The following CD2AP variants were observed in gnomAD, a reference collection of about 807,000 sequenced individuals.
CD2AP encodes the protein CD2 associated protein.
CD2AP carries 46 observed loss-of-function variants against 85.1 expected under a neutral mutation model. That is an observed-to-expected ratio of 0.54 (90% CI 0.43 to 0.69). CD2AP has a LOEUF of 0.69. CD2AP is among the 30% of genes least tolerant of loss of function. CD2AP has a pLI of 0.00. For missense variants in CD2AP, 769 were observed against 729.5 expected, an observed-to-expected ratio of 1.05 and a Z score of -0.62; for synonymous variants, 255 against 252.9, an observed-to-expected ratio of 1.01 and a Z score of -0.08.
intron 2 of CD2AP, among the ~76,000 whole-genome samples, chr6:47,517,351 G>A (rs1205614951): frequency 6.6e-6 from 1 of 151,536 alleles, no homozygotes; most frequent in African/African-American, 2.4e-5. Flanking sequence ...GGTGCGGTGC[G>A]ATCACAGCTC....
chr6:47,592,996 T>C (rs895080348), intron 11 of CD2AP, among the ~76,000 whole-genome samples: 7 of 152,052 alleles, frequency 4.6e-5, no homozygotes, highest in African/African-American at 1.4e-4. Context: ...GGACTTGAGA[T>C]TGGAATCTGA....
intron 17 of CD2AP, among the ~76,000 whole-genome samples, chr6:47,620,559 G>A (rs1188421400): frequency 6.6e-6 from 1 of 151,982 alleles, no homozygotes; most frequent in East Asian, 1.9e-4. Flanking sequence ...ATGAATTTTA[G>A]AATTGTTTTT....
chr6:47,566,323 T>TATATATATATATATAAACACAC, intron 5 of CD2AP, among the ~76,000 whole-genome samples: 1 of 108,388 alleles, frequency 9.2e-6, no homozygotes, highest in African/African-American at 2.9e-5. Flanking sequence ...TATATATATA[T>TATATATATATATATAAACACAC]ACACATACAC....
intron 17 of CD2AP, among the ~76,000 whole-genome samples, chr6:47,623,843 T>C (rs1415442749): frequency 1.3e-5 from 2 of 152,198 alleles, no homozygotes; most frequent in Admixed American, 6.5e-5. Flanking sequence ...TGTTTAATTA[T>C]AGATACATGT....
Position 47,598,113 on chromosome 6 carries a change from A to C in CD2AP, c.1275-1188A>C, listed in dbSNP as rs534322555. 1.1e-4 allele frequency among the ~76,000 whole-genome samples: 17 copies of C among 151,334 alleles called. 1 individual carries two copies. Among genetic ancestry groups the C allele is most frequent in the Non-Finnish European group, 1.9e-4 (13 of 67,344 alleles). On this transcript the variant is annotated intron_variant, in intron 12 of 17. Transcript: ENST00000359314. ...AGTACATGAATAGACAGTTCTCAAA[A>C]GAAGATATACAAATGGCCAACAAGC...
At chr6:47,608,912 A>G (rs1457199161) in intron 15 of CD2AP, among the ~76,000 whole-genome samples, 5 of 152,074 alleles carry the variant, frequency 3.3e-5, no homozygotes, top group Non-Finnish European at 4.4e-5. Flanking sequence ...TGTTAATAAA[A>G]TTGTCATTTT....
At chr6:47,554,540 A>G (rs949784805) in intron 4 of CD2AP, 106 bp from the exon 5 acceptor site, 2 of 1,056,674 alleles carry the variant, frequency 1.9e-6, no homozygotes, top group Admixed American at 3.9e-5. Context: ...TTTATTTCAT[A>G]GTGCTAATTT....
intron 5 of CD2AP, among the ~76,000 whole-genome samples, chr6:47,571,566 G>T (rs60532695): frequency 0.25 from 38,257 of 152,010 alleles, 5,510 homozygotes; most frequent in East Asian, 0.6. Flanking sequence ...AACACCTGAA[G>T]TGAGAACTAT....
chr6:47,589,563 C>CATATATATATATATAT (rs1346907208), intron 11 of CD2AP, among the ~76,000 whole-genome samples: 4 of 46,596 alleles, frequency 8.6e-5, no homozygotes, highest in East Asian at 3.3e-4. Context: ...CACACACACA[C>CATATATATATATATAT]ACATATATAT....
At chr6:47,499,773 T>TG (rs1249978334) in intron 1 of CD2AP, among the ~76,000 whole-genome samples, 1 of 152,104 alleles carries the variant, frequency 6.6e-6, no homozygotes, top group Non-Finnish European at 1.5e-5. Context: ...GACAGAGTCT[T>TG]GCTCTGTCGC....
rs562350159 is a variant in CD2AP, at chr6:47,616,082, C to CTTTT, written c.1878+3570_1878+3573dup. Among the ~76,000 whole-genome samples the CTTTT allele has an allele frequency of 5.0e-4, 32 of 63,804 alleles. 4 individuals carry two copies. The highest frequency in any genetic ancestry group is 1.7e-3 in the African/African-American group (24 of 13,790). 41.9% of individuals were successfully genotyped at this position (63,804 alleles called of 152,430 possible). A position where few individuals can be genotyped will look rare whatever the true frequency, so the allele number is the denominator to read the frequency against. ...GCAGGCATGAGCCACTGCGCCTGGC[C>CTTTT]TTTTTTTTTTTTTTTTTTTTTTTTT... is the stretch of plus-strand genomic sequence containing the variant. On this transcript the variant is annotated intron_variant, in intron 17 of 17. Coordinates refer to ENST00000359314, the MANE Select transcript of CD2AP (RefSeq NM_012120.3).
Position 47,610,220 on chromosome 6 carries a change from A to G in CD2AP, c.1814+916A>G, listed in dbSNP as rs1028183914. 9.2e-5 allele frequency among the ~76,000 whole-genome samples: 14 copies of G among 152,256 alleles called. No individual in the cohort carries two copies. In the South Asian group the frequency reaches 2.5e-3, roughly 27 times the overall value. On this transcript the variant is annotated intron_variant, in intron 16 of 17. Transcript: ENST00000359314. Reference sequence around the variant, plus strand: ...ACCCATATTATCTGTTGGTTTAGAGATGTTTTCTATAACCACTAGTATTTG... The same window carrying G: ...ACCCATATTATCTGTTGGTTTAGAGGTGTTTTCTATAACCACTAGTATTTG...
chr6:47,529,832 A>T (rs374279909), intron 2 of CD2AP, among the ~76,000 whole-genome samples: 27 of 152,262 alleles, frequency 1.8e-4, no homozygotes, highest in East Asian at 7.7e-4. Context: ...GCCTACCCAG[A>T]CTCAGAGAGC....
At chr6:47,511,883 C>T (rs936963805) in intron 2 of CD2AP, among the ~76,000 whole-genome samples, 8 of 84,414 alleles carry the variant, frequency 9.5e-5, no homozygotes, top group South Asian at 4.2e-4. Context: ...AAAAATTGGC[C>T]GGGGGTGGCT....
At chr6:47,568,506 C>T (rs1269742598) in intron 5 of CD2AP, among the ~76,000 whole-genome samples, 1 of 152,078 alleles carries the variant, frequency 6.6e-6, no homozygotes, top group Non-Finnish European at 1.5e-5. Flanking sequence ...CTTTGGGAGG[C>T]TGAGGTGGGT....
At chr6:47,487,931 T>C (rs994105198) in intron 1 of CD2AP, among the ~76,000 whole-genome samples, 1 of 151,362 alleles carries the variant, frequency 6.6e-6, no homozygotes, top group African/African-American at 2.4e-5. Flanking sequence ...AACCTAACAA[T>C]ACAAAATTTA....
At chr6:47,557,707 A>G (rs1329324068) in intron 5 of CD2AP, among the ~76,000 whole-genome samples, 1 of 152,198 alleles carries the variant, frequency 6.6e-6, no homozygotes, top group Non-Finnish European at 1.5e-5. Context: ...GTACCAGACC[A>G]TGCTGTTTTG....
At chr6:47,608,847 G>A (rs1030542356) in intron 15 of CD2AP, among the ~76,000 whole-genome samples, 2 of 152,000 alleles carry the variant, frequency 1.3e-5, no homozygotes, top group Non-Finnish European at 2.9e-5. Flanking sequence ...TGTTTCACTA[G>A]GCAAACCATC....
chr6:47,505,483 C>T (rs1002437952), intron 2 of CD2AP, among the ~76,000 whole-genome samples: 3 of 150,774 alleles, frequency 2.0e-5, no homozygotes, highest in Admixed American at 6.6e-5. Flanking sequence ...CCGCCTTTCC[C>T]GCCCTTCTAT....
Sources: gnomAD v4.1 joint callset for allele counts (sites outside exome capture counted in the v4.1 genomes callset) on GRCh38, gnomAD v4.1.1 for gene constraint, MANE v1.5 for transcripts, NCBI Gene and HGNC (gene_info 2026-07-23, HGNC 2026-07-21) for gene names.